DPP10: variants seen among roughly 807,000 people sequenced by gnomAD.
DPP10 encodes inactive dipeptidyl peptidase 10.
DPP10 carries 33 observed loss-of-function variants against 120.9 expected under a neutral mutation model. That is an observed-to-expected ratio of 0.27 (90% CI 0.21 to 0.37). The LOEUF is 0.37. Ranked by LOEUF, DPP10 falls within the 10% of genes least tolerant of loss-of-function variation. The pLI, the probability that DPP10 is intolerant of heterozygous loss-of-function variation, is 1.00. For missense variants in DPP10, 816 were observed against 942.8 expected, an observed-to-expected ratio of 0.87 and a Z score of 1.76; for synonymous variants, 337 against 326.1, an observed-to-expected ratio of 1.03 and a Z score of -0.36.
intron 5 of DPP10, among the ~76,000 whole-genome samples, chr2:115,622,968 A>G (rs981689378): frequency 2.7e-5 from 4 of 150,832 alleles, no homozygotes; most frequent in Admixed American, 2.7e-4. Flanking sequence ...TCAGCCTCCC[A>G]TGTAGCTGGG....
At chr2:114,642,854 A>G (rs887970500) in intron 1 of DPP10, among the ~76,000 whole-genome samples, 4 of 152,000 alleles carry the variant, frequency 2.6e-5, no homozygotes, top group Non-Finnish European at 4.4e-5. Context: ...CATGACTCCA[A>G]GTAGAGGACC....
At chr2:114,565,130 G>A (rs184623914) in intron 1 of DPP10, among the ~76,000 whole-genome samples, 1 of 152,120 alleles carries the variant, frequency 6.6e-6, no homozygotes, top group Non-Finnish European at 1.5e-5. Context: ...GTGAGCCTCT[G>A]GTTCAAGAAG....
At chr2:115,164,802 G>C (rs140594782) in intron 1 of DPP10, among the ~76,000 whole-genome samples, 1 of 152,192 alleles carries the variant, frequency 6.6e-6, no homozygotes, top group Non-Finnish European at 1.5e-5. Flanking sequence ...TCTGGCACAG[G>C]GTGCCATGAC....
chr2:114,473,405 A>G (rs937432929), intron 1 of DPP10, among the ~76,000 whole-genome samples: 1 of 152,230 alleles, frequency 6.6e-6, no homozygotes, highest in African/African-American at 2.4e-5. Context: ...ATTATGCTTC[A>G]AGACAGTTAT....
At chr2:115,702,081 C>T (rs2091913767) in intron 7 of DPP10, among the ~76,000 whole-genome samples, 1 of 151,978 alleles carries the variant, frequency 6.6e-6, no homozygotes, top group Non-Finnish European at 1.5e-5. Context: ...TACTAGTACA[C>T]AATAGGGACA....
chr2:114,868,796 G>A (rs1311014680), intron 1 of DPP10, among the ~76,000 whole-genome samples: 1 of 152,122 alleles, frequency 6.6e-6, no homozygotes, highest in East Asian at 1.9e-4. Context: ...GAAAAGAATT[G>A]TTAAGTGAAT....
intron 1 of DPP10, among the ~76,000 whole-genome samples, chr2:114,939,951 T>C (rs1026692370): frequency 6.6e-6 from 1 of 152,214 alleles, no homozygotes; most frequent in Admixed American, 6.5e-5. Context: ...AATTGAAGCC[T>C]GTTAGTCTAC....
chr2:115,086,317 A>G (rs544560599), intron 1 of DPP10, among the ~76,000 whole-genome samples: 2 of 152,266 alleles, frequency 1.3e-5, no homozygotes, highest in East Asian at 3.9e-4. Flanking sequence ...TTTTCTATCC[A>G]TCTCAGGTCT....
At chr2:115,123,819 G>A (rs1007468148) in intron 1 of DPP10, among the ~76,000 whole-genome samples, 1 of 152,122 alleles carries the variant, frequency 6.6e-6, no homozygotes, top group African/African-American at 2.4e-5. Flanking sequence ...ATATTAATGT[G>A]TTAATAGACG....
chr2:115,318,217 T>C (rs1188222456), intron 2 of DPP10, among the ~76,000 whole-genome samples: 1 of 152,116 alleles, frequency 6.6e-6, no homozygotes, highest in Admixed American at 6.6e-5. Flanking sequence ...CCAATTATTA[T>C]TGTGTGAACC....
chr2:115,477,769 C>A (rs7573129), intron 3 of DPP10, among the ~76,000 whole-genome samples: 125,922 of 152,156 alleles, frequency 0.83, 55,172 homozygotes, highest in Non-Finnish European at 0.97. Flanking sequence ...CCACAGTAAT[C>A]AAAACAGTGT....
At chr2:114,602,368 T>A (rs568852715) in intron 1 of DPP10, among the ~76,000 whole-genome samples, 1 of 151,936 alleles carries the variant, frequency 6.6e-6, no homozygotes, top group African/African-American at 2.4e-5. Flanking sequence ...ATTTATTACA[T>A]TATAAAATAT....
At position 114,739,218 on chromosome 2, in the gene DPP10, G is replaced by C. The variant is rs75659989; in HGVS notation, c.60+296380G>C. On this transcript the variant is annotated intron_variant, in intron 1 of 25. Coordinates refer to ENST00000410059, the MANE Select transcript of DPP10 (RefSeq NM_020868.6). Reference sequence around the variant, plus strand: ...GGAGGAGTTTCTTTGAGAGATTTACGTGCAGGGGATTTTCTAACACCTCTT... The same window carrying C: ...GGAGGAGTTTCTTTGAGAGATTTACCTGCAGGGGATTTTCTAACACCTCTT... Among the ~76,000 whole-genome samples, 1,169 of 152,240 alleles carry C rather than the reference G, an allele frequency of 7.7e-3. 13 individuals carry two copies. The highest frequency in any genetic ancestry group is 0.026 in the African/African-American group (1,099 of 41,532).
chr2:115,802,020 C>T (rs1187929825), intron 19 of DPP10, among the ~76,000 whole-genome samples: 4 of 152,102 alleles, frequency 2.6e-5, no homozygotes, highest in Non-Finnish European at 4.4e-5. Flanking sequence ...ACCAGCTCCT[C>T]CTTGTACCTC....
intron 11 of DPP10, among the ~76,000 whole-genome samples, chr2:115,760,369 A>G (rs566222306): frequency 1.4e-4 from 22 of 152,330 alleles, no homozygotes; most frequent in South Asian, 1.2e-3. Context: ...TTTCTAACAC[A>G]GGCATATGCT....
intron 1 of DPP10, among the ~76,000 whole-genome samples, chr2:115,272,528 T>G (rs921283664): frequency 6.6e-6 from 1 of 152,186 alleles, no homozygotes; most frequent in Non-Finnish European, 1.5e-5. Flanking sequence ...AATTTTCAAT[T>G]TTGGGGTGAA....
chr2:114,958,617 T>A (rs541221623), intron 1 of DPP10, among the ~76,000 whole-genome samples: 1 of 152,344 alleles, frequency 6.6e-6, no homozygotes, highest in South Asian at 2.1e-4. Context: ...AAGCATATAT[T>A]GACACATCAT....
chr2:115,805,731 C>T (rs982797920), intron 19 of DPP10, among the ~76,000 whole-genome samples: 2 of 152,002 alleles, frequency 1.3e-5, no homozygotes, highest in Non-Finnish European at 2.9e-5. Context: ...CCCGTCACCA[C>T]ACCTGGCTAA....
chr2:114,850,155 G>A (rs549416552), intron 1 of DPP10, among the ~76,000 whole-genome samples: 76 of 151,198 alleles, frequency 5.0e-4, no homozygotes, highest in Non-Finnish European at 7.5e-4. Context: ...CAAGTAGCTG[G>A]GACTATAGGT....
Sources: allele counts gnomAD v4.1 joint callset (sites outside exome capture counted in the v4.1 genomes callset), GRCh38; gene constraint gnomAD v4.1.1; transcripts MANE v1.5; gene names NCBI Gene and HGNC (gene_info 2026-07-23, HGNC 2026-07-21).